The following SUPT3H variants were observed in gnomAD, a reference collection of about 807,000 sequenced individuals.
SUPT3H encodes SPT3 homolog, SAGA and STAGA complex component.
In SUPT3H, 44 loss-of-function variants were observed where a neutral mutation model predicts 44.3. The observed-to-expected ratio is 0.99, with a 90% CI of 0.78 to 1.28. The LOEUF (loss-of-function observed/expected upper bound fraction) is 1.28. Among genes scored for constraint, SUPT3H ranks in the 50% most tolerant of loss-of-function variants. The pLI is 0.00. For missense variants in SUPT3H, 380 were observed against 387.1 expected (o/e 0.98, Z 0.15); for synonymous variants, 124 against 125.6 (o/e 0.99, Z 0.09).
intron 3 of SUPT3H, among the ~76,000 whole-genome samples, chr6:45,048,246 TG>T (rs1789736783): frequency 2.2e-5 from 3 of 135,550 alleles, no homozygotes; most frequent in South Asian, 2.3e-4. Flanking sequence ...TTTTTTTTTT[TG>T]GCAGAGGCTT....
intron 3 of SUPT3H, among the ~76,000 whole-genome samples, chr6:45,021,092 T>C (rs1785063655): frequency 6.6e-6 from 1 of 151,876 alleles, no homozygotes; most frequent in Admixed American, 6.6e-5. Flanking sequence ...CTGTTTCTAA[T>C]ATCCAAAGGA....
At chr6:45,339,604 G>A (rs550286498) in intron 2 of SUPT3H, among the ~76,000 whole-genome samples, 42 of 151,610 alleles carry the variant, frequency 2.8e-4, no homozygotes, top group Admixed American at 6.6e-4. Context: ...ATATTAATAA[G>A]GAAAATAAGA....
At chr6:45,369,523 C>G (rs921359015) in intron 1 of SUPT3H, among the ~76,000 whole-genome samples, 3 of 152,086 alleles carry the variant, frequency 2.0e-5, no homozygotes, top group African/African-American at 7.2e-5. Flanking sequence ...CTTCTACTTC[C>G]AGAGAAATAA....
At chr6:45,138,984 T>G (rs1804751078) in intron 2 of SUPT3H, among the ~76,000 whole-genome samples, 2 of 152,162 alleles carry the variant, frequency 1.3e-5, no homozygotes, top group Non-Finnish European at 2.9e-5. Context: ...GTGACTGACA[T>G]GTTTGGTGGC....
At position 44,909,797 on chromosome 6, in the gene SUPT3H, G is replaced by A. The variant is rs144142202; in HGVS notation, c.912+22856C>T. On this transcript the variant is annotated intron_variant, in intron 10 of 10. Coordinates refer to ENST00000371459, the MANE Select transcript of SUPT3H (RefSeq NM_003599.4). ...ATACCAAAGGCTGAGGGCATTACAA[G>A]TCTTCAGGAAACATTTTCAAAATAG... Among the ~76,000 whole-genome samples the A allele has an allele frequency of 4.8e-3, 725 of 152,264 alleles. 4 individuals carry two copies. The highest frequency in any genetic ancestry group is 0.017 in the African/African-American group (692 of 41,540).
chr6:45,110,890 T>C (rs1799951225), intron 2 of SUPT3H, among the ~76,000 whole-genome samples: 1 of 152,172 alleles, frequency 6.6e-6, no homozygotes, highest in Non-Finnish European at 1.5e-5. Flanking sequence ...AAATAAATAC[T>C]TTTTGAGAAA....
intron 2 of SUPT3H, among the ~76,000 whole-genome samples, chr6:45,212,567 T>C (rs2153631207): frequency 6.6e-6 from 1 of 150,640 alleles, no homozygotes; most frequent in East Asian, 2.0e-4. Flanking sequence ...TACTACTCAC[T>C]AGGTCCTATG....
At chr6:45,288,565 GTATATATATATATA>G (rs59842389) in intron 2 of SUPT3H, among the ~76,000 whole-genome samples, 1,240 of 95,306 alleles carry the variant, frequency 0.013, 18 homozygotes, top group South Asian at 0.025. Context: ...ATATATATAT[GTATATATATATATA>G]TATGTATATA....
intron 5 of SUPT3H, among the ~76,000 whole-genome samples, chr6:45,004,014 A>C (rs1055839632): frequency 6.6e-6 from 1 of 152,188 alleles, no homozygotes; most frequent in African/African-American, 2.4e-5. Flanking sequence ...CCAAATGATC[A>C]ATTATCAAAG....
intron 3 of SUPT3H, among the ~76,000 whole-genome samples, chr6:45,059,496 A>G (rs1562360425): frequency 6.6e-6 from 1 of 152,204 alleles, no homozygotes; most frequent in Non-Finnish European, 1.5e-5. Context: ...GAATGGGCAA[A>G]AGCTGGAAGC....
At chr6:45,124,037 C>T (rs536999694) in intron 2 of SUPT3H, among the ~76,000 whole-genome samples, 280 of 152,148 alleles carry the variant, frequency 1.8e-3, no homozygotes, top group South Asian at 0.013. Flanking sequence ...TTTGCCAATC[C>T]CTGGTATAAT....
intron 2 of SUPT3H, among the ~76,000 whole-genome samples, chr6:45,301,387 GA>G (rs1462239034): frequency 1.3e-5 from 2 of 152,106 alleles, no homozygotes; most frequent in Non-Finnish European, 2.9e-5. Flanking sequence ...AACATAATGG[GA>G]AGTTCTCTTT....
At chr6:45,179,027 T>TA (rs1346027980) in intron 2 of SUPT3H, among the ~76,000 whole-genome samples, 4 of 151,778 alleles carry the variant, frequency 2.6e-5, no homozygotes, top group Non-Finnish European at 4.4e-5. Context: ...ATAGACGCAA[T>TA]AAAAAATGAT....
chr6:45,170,326 C>T (rs1810567420), intron 2 of SUPT3H, among the ~76,000 whole-genome samples: 1 of 152,166 alleles, frequency 6.6e-6, no homozygotes, highest in South Asian at 2.1e-4. Flanking sequence ...TTGAGCAGTA[C>T]TTTGTGTTTC....
At chr6:44,861,595 C>T (rs1348860601) in intron 10 of SUPT3H, among the ~76,000 whole-genome samples, 1 of 152,146 alleles carries the variant, frequency 6.6e-6, no homozygotes, top group African/African-American at 2.4e-5. Context: ...CCATGTTGGT[C>T]AGGCTGGTCT....
chr6:45,019,229 CTT>C (rs1246464530), intron 4 of SUPT3H, among the ~76,000 whole-genome samples: 1 of 151,968 alleles, frequency 6.6e-6, no homozygotes, highest in African/African-American at 2.4e-5. Context: ...CTATTTGATT[CTT>C]GTCTCTTTTT....
intron 2 of SUPT3H, among the ~76,000 whole-genome samples, chr6:45,318,468 A>G (rs1584891137): frequency 6.6e-6 from 1 of 152,148 alleles, no homozygotes; most frequent in Non-Finnish European, 1.5e-5. Flanking sequence ...AGTGTAGACC[A>G]CCAATGCAAG....
chr6:45,096,426 C>T (rs1026565072), intron 3 of SUPT3H, among the ~76,000 whole-genome samples: 2 of 152,006 alleles, frequency 1.3e-5, no homozygotes, highest in Non-Finnish European at 2.9e-5. Context: ...TCTACATGTA[C>T]ATAAACTTCA....
At chr6:45,171,276 A>G (rs1810722667) in intron 2 of SUPT3H, among the ~76,000 whole-genome samples, 1 of 152,206 alleles carries the variant, frequency 6.6e-6, no homozygotes, top group Non-Finnish European at 1.5e-5. Flanking sequence ...AATCAAAGAA[A>G]AAAGCAATCT....
Sources: allele counts gnomAD v4.1 joint callset (sites outside exome capture counted in the v4.1 genomes callset), GRCh38; gene constraint gnomAD v4.1.1; transcripts MANE v1.5; gene names NCBI Gene and HGNC (gene_info 2026-07-23, HGNC 2026-07-21).